Variants in FRMD4B observed in about 807,000 individuals in gnomAD.
FRMD4B encodes the protein FERM domain containing 4B.
Under a neutral mutation model 141.5 loss-of-function variants are expected in FRMD4B, and 74 were observed. The observed-to-expected ratio is 0.52, with a 90% CI of 0.43 to 0.63. The LOEUF is 0.63. FRMD4B is among the 30% of genes least tolerant of loss of function. FRMD4B has a pLI of 0.00. For missense variants in FRMD4B, 1,366 were observed against 1,253.4 expected, an observed-to-expected ratio of 1.09 and a Z score of -1.36; for synonymous variants, 506 against 467.9, an observed-to-expected ratio of 1.08 and a Z score of -1.05.
intron 1 of FRMD4B, among the ~76,000 whole-genome samples, chr3:69,347,908 T>C (rs1366425070): frequency 6.6e-6 from 1 of 151,942 alleles, no homozygotes; most frequent in African/African-American, 2.4e-5. Context: ...CACCCTAACA[T>C]CACAATTAAA....
chr3:69,407,957 G>A lies in FRMD4B; in HGVS notation c.-1+24677C>T, dbSNP rs115092616. On this transcript the variant is annotated intron_variant, in intron 2 of 5. Coordinates refer to the FRMD4B transcript ENST00000459638. ...AGGAGTTAGGGGGTCACGGAAAAGC[G>A]TCTGTGGCGTTTACTGACCTAGGTC... Among the ~76,000 whole-genome samples the A allele has an allele frequency of 9.9e-3, 1,504 of 152,232 alleles. 18 individuals are homozygous for A. Among genetic ancestry groups the A allele is most frequent in the African/African-American group, 0.034 (1,416 of 41,518 alleles).
intron 16 of FRMD4B, among the ~76,000 whole-genome samples, 172 bp downstream of exon 16, chr3:69,194,850 A>G (rs1239411974): frequency 1.3e-5 from 2 of 152,230 alleles, no homozygotes; most frequent in African/African-American, 4.8e-5. Flanking sequence ...AAGTAACTCA[A>G]TTTTGACTGG....
intron 1 of FRMD4B, among the ~76,000 whole-genome samples, chr3:69,443,467 G>A (rs529347028): frequency 5.5e-4 from 83 of 152,206 alleles, no homozygotes; most frequent in African/African-American, 1.9e-3. Flanking sequence ...AGCTATTATA[G>A]CTAATTGTCA....
At chr3:69,509,607 A>G (rs1706657421) in intron 1 of FRMD4B, among the ~76,000 whole-genome samples, 1 of 152,130 alleles carries the variant, frequency 6.6e-6, no homozygotes, top group Non-Finnish European at 1.5e-5. Flanking sequence ...CATCTGTTCA[A>G]TTGCATTTGC....
intron 5 of FRMD4B, among the ~76,000 whole-genome samples, chr3:69,253,047 G>T (rs2093472656): frequency 6.6e-6 from 1 of 152,056 alleles, no homozygotes; most frequent in South Asian, 2.1e-4. Flanking sequence ...TCTCATTTTT[G>T]TCTTTGGCTT....
intron 1 of FRMD4B, chr3:69,536,109 C>T (rs774288054): frequency 2.7e-5 from 13 of 473,052 alleles, no homozygotes; most frequent in Admixed American, 6.8e-5. Flanking sequence ...CCTTGCTTGC[C>T]GGCCTTCTCT....
chr3:69,396,039 T>C (rs1315269302), intron 2 of FRMD4B, among the ~76,000 whole-genome samples: 3 of 152,252 alleles, frequency 2.0e-5, no homozygotes, highest in South Asian at 2.1e-4. Flanking sequence ...TGTATGTTTA[T>C]ATATTTTGGC....
At chr3:69,536,672 G>T in intron 1 of FRMD4B, 1 of 803,542 alleles carries the variant, frequency 1.2e-6, no homozygotes, top group East Asian at 2.7e-5. Flanking sequence ...AGATGTCACT[G>T]GTGACACTCC....
chr3:69,482,609 A>T (rs1706145882), intron 1 of FRMD4B, among the ~76,000 whole-genome samples: 1 of 152,236 alleles, frequency 6.6e-6, no homozygotes, highest in Admixed American at 6.5e-5. Flanking sequence ...CACTTCAACC[A>T]GTGGAGATTT....
rs1348979080 is a variant in FRMD4B, at chr3:69,250,099, CCT to C, written c.502-2_502-1del. 3 of 1,604,112 alleles carry C rather than the reference CCT, an allele frequency of 1.9e-6. No individual in the cohort carries two copies. The highest frequency in any genetic ancestry group is 2.7e-5 in the African/African-American group (2 of 74,668). The stretch of plus-strand genomic sequence containing the variant: ...GTTTCGCTCTCTACTTCGATTTGCC[CCT>C]GTTGATGGAAAAGGAAAGCATCATT... On this transcript the variant is annotated splice_acceptor_variant, in intron 5 of 22. Coordinates refer to ENST00000398540, the MANE Select transcript of FRMD4B (RefSeq NM_015123.3). LOFTEE classifies it high-confidence loss of function.
intron 2 of FRMD4B, among the ~76,000 whole-genome samples, chr3:69,392,116 G>A (rs1184641054): frequency 6.6e-6 from 1 of 152,234 alleles, no homozygotes; most frequent in African/African-American, 2.4e-5. Flanking sequence ...ACACAGTCTT[G>A]TTCATTAGAA....
intron 5 of FRMD4B, among the ~76,000 whole-genome samples, chr3:69,272,288 G>A (rs949799045): frequency 7.9e-5 from 12 of 152,186 alleles, no homozygotes; most frequent in South Asian, 6.2e-4. Flanking sequence ...AACTACAGGT[G>A]TGCACCACCA....
rs148367002 is a variant in FRMD4B at position 69,356,342 on chromosome 3, C to T, written c.162+29486G>A. Among the ~76,000 whole-genome samples the T allele has an allele frequency of 8.1e-3, 1,226 of 152,108 alleles. 22 individuals carry two copies. The highest frequency in any genetic ancestry group is 0.028 in the African/African-American group (1,151 of 41,504). On this transcript the variant is annotated intron_variant, in intron 1 of 22. Coordinates refer to ENST00000398540, the MANE Select transcript of FRMD4B (RefSeq NM_015123.3). ...GGGTGGGCACCATCTGATCAGCTGC[C>T]GCTGTGGCCAGAATATAAAGCAGGC...
intron 10 of FRMD4B, among the ~76,000 whole-genome samples, chr3:69,217,974 A>G (rs1218804890): frequency 6.6e-6 from 1 of 152,208 alleles, no homozygotes; most frequent in Non-Finnish European, 1.5e-5. Flanking sequence ...CAAATCCTGT[A>G]AAAATTTCAG....
chr3:69,278,778 G>A (rs1007075739), intron 5 of FRMD4B, among the ~76,000 whole-genome samples: 5 of 151,858 alleles, frequency 3.3e-5, no homozygotes, highest in South Asian at 2.1e-4. Context: ...TTGTAGAGAC[G>A]GGGTTTCACC....
At chr3:69,342,451 G>A (rs778985412) in intron 1 of FRMD4B, among the ~76,000 whole-genome samples, 2 of 152,050 alleles carry the variant, frequency 1.3e-5, no homozygotes, top group Non-Finnish European at 2.9e-5. Flanking sequence ...GAACATTACA[G>A]GCCCTGAAAA....
chr3:69,455,706 T>A (rs112696766), intron 1 of FRMD4B, among the ~76,000 whole-genome samples: 1,584 of 152,338 alleles, frequency 0.01, 28 homozygotes, highest in African/African-American at 0.035. Flanking sequence ...ACCCCAAGTG[T>A]GGCTAGGTGT....
At chr3:69,263,134 G>A (rs1368990505) in intron 5 of FRMD4B, among the ~76,000 whole-genome samples, 2 of 152,090 alleles carry the variant, frequency 1.3e-5, no homozygotes, top group Non-Finnish European at 2.9e-5. Context: ...GCAGGCAGCT[G>A]TAGTCCCAGC....
At chr3:69,407,992 AGCACAC>A (rs1188142945) in intron 2 of FRMD4B, among the ~76,000 whole-genome samples, 5 of 152,226 alleles carry the variant, frequency 3.3e-5, no homozygotes, top group African/African-American at 1.2e-4. Context: ...CATCCGGCTC[AGCACAC>A]TTTTTAAAAA....
Sources: allele counts gnomAD v4.1 joint callset (sites outside exome capture counted in the v4.1 genomes callset), GRCh38; gene constraint gnomAD v4.1.1; transcripts MANE v1.5; gene names NCBI Gene and HGNC (gene_info 2026-07-23, HGNC 2026-07-21).